The following DNAH2 variants were observed in gnomAD, a reference collection of about 807,000 sequenced individuals.
DNAH2 encodes the protein axonemal beta dynein heavy chain 2.
A neutral mutation model predicts 523.5 loss-of-function variants in DNAH2; 323 were observed. The ratio of observed to expected loss-of-function variants is 0.62; its 90% CI spans 0.56 to 0.68. The LOEUF (loss-of-function observed/expected upper bound fraction) is 0.68. DNAH2 is among the 30% of genes least tolerant of loss of function. DNAH2 has a pLI of 0.00. For synonymous variants in DNAH2, 2,093 were observed against 2,177.4 expected, an observed-to-expected ratio of 0.96 and a Z score of 1.08; for missense variants, 4,907 against 5,701.5, an observed-to-expected ratio of 0.86 and a Z score of 4.49.
intron 67 of DNAH2, 31 bp downstream of exon 67, chr17:7,817,887 C>A (rs376720726): frequency 2.2e-5 from 35 of 1,613,918 alleles, no homozygotes; most frequent in Admixed American, 6.7e-5. Context: ...GTTAGCCCCC[C>A]CCTTCCTGAG....
chr17:7,787,136 C>A, intron 42 of DNAH2, 103 bp downstream of exon 42: 2 of 1,445,844 alleles, frequency 1.4e-6, no homozygotes, highest in South Asian at 1.3e-5. Context: ...AGGGCAGGTT[C>A]TGTGGGAGAG....
At chr17:7,826,535 CTT>C (rs35943055) in intron 77 of DNAH2, among the ~76,000 whole-genome samples, 3 of 111,240 alleles carry the variant, frequency 2.7e-5, no homozygotes. Context: ...TGCCCATCAT[CTT>C]TTTTTTTTTT....
At chr17:7,729,492 G>A (rs953719450) in intron 4 of DNAH2, among the ~76,000 whole-genome samples, 16 of 152,086 alleles carry the variant, frequency 1.1e-4, no homozygotes, top group Admixed American at 8.5e-4. Context: ...GTGCAATGGC[G>A]CAATCTCGGC....
At chr17:7,790,517 A>C (rs538138356) in intron 44 of DNAH2, among the ~76,000 whole-genome samples, 30 of 151,906 alleles carry the variant, frequency 2.0e-4, no homozygotes, top group Admixed American at 4.6e-4. Context: ...CCACCACACC[A>C]GGCCACATTT....
In DNAH2 at chr17:7,787,886, C is replaced by T. The variant is rs753840225; in HGVS notation, c.6630C>T (p.Asp2210=). ...EQVSLLFEVE[D]LAMASPATVS... Reference sequence around the variant, plus strand: ...TGTCTCTCCTGTTTGAAGTGGAGGACCTGGCAATGGCCTCTCCGGCCACTG... The same window carrying T: ...TGTCTCTCCTGTTTGAAGTGGAGGATCTGGCAATGGCCTCTCCGGCCACTG... Residue 2210 remains aspartate, a synonymous_variant, in exon 43 of 86, where the codon GAC becomes GAT. Coordinates refer to ENST00000572933, the MANE Select transcript of DNAH2 (RefSeq NM_020877.5). The T allele has an allele frequency of 4.3e-6, 7 of 1,613,850 alleles. No homozygotes were observed. The East Asian group carries it at 1.3e-4, about 31-fold the overall frequency.
chr17:7,771,925 C>T (rs2076328771), intron 28 of DNAH2, among the ~76,000 whole-genome samples: 1 of 152,044 alleles, frequency 6.6e-6, no homozygotes, highest in African/African-American at 2.4e-5. Context: ...CCAAGTTGGC[C>T]AGGCTGCCTT....
chr17:7,799,341 C>A, intron 56 of DNAH2, 99 bp downstream of exon 56: 1 of 1,502,316 alleles, frequency 6.7e-7, no homozygotes, highest in Non-Finnish European at 9.0e-7. Flanking sequence ...GGAATAACAG[C>A]AGGCTCCTCT....
chr17:7,759,204 G>A (rs1303332074), intron 15 of DNAH2, 80 bp downstream of exon 15: 22 of 1,576,354 alleles, frequency 1.4e-5, no homozygotes, highest in African/African-American at 8.1e-5. Flanking sequence ...CTTGCTCCCC[G>A]ACCCTTTTTT....
intron 42 of DNAH2, 138 bp downstream of exon 42, chr17:7,787,171 C>T (rs2076763334): frequency 2.7e-6 from 3 of 1,095,304 alleles, no homozygotes; most frequent in Non-Finnish European, 3.8e-6. Context: ...TGCCTGGATT[C>T]AGGGAAACCT....
At position 7,805,260 on chromosome 17, in the gene DNAH2, GTC is replaced by G; in HGVS notation, c.9313_9314del (p.Leu3105GlufsTer55). 2 of 1,614,224 alleles carry G rather than the reference GTC, an allele frequency of 1.2e-6. No individual in the cohort carries two copies. The highest frequency in any genetic ancestry group is 1.7e-6 in the Non-Finnish European group (2 of 1,180,042). ...ALEEAMRALE[S>X]LNKKDIGEIK... The stretch of plus-strand genomic sequence containing the variant: ...ATCCCCTTTTCCCCCAGGCCCTGGA[GTC>G]TCTGAACAAGAAGGATATAGGAGAG... On this transcript the variant is annotated frameshift_variant, in exon 61 of 86. Coordinates refer to ENST00000572933, the MANE Select transcript of DNAH2 (RefSeq NM_020877.5). LOFTEE classifies it high-confidence loss of function.
intron 73 of DNAH2, 108 bp from the exon 74 acceptor site, chr17:7,823,334 A>C (rs2077915073): frequency 1.9e-6 from 2 of 1,037,242 alleles, no homozygotes; most frequent in African/African-American, 1.8e-5. Flanking sequence ...TCCCACCGAG[A>C]GAGAGAAAAA....
chr17:7,776,232 G>A (rs1402943567), intron 31 of DNAH2, 83 bp downstream of exon 31: 48 of 1,487,832 alleles, frequency 3.2e-5, no homozygotes, highest in Middle Eastern at 2.4e-4. Flanking sequence ...TTGGGAGGCC[G>A]AGGTGGGCAG....
intron 4 of DNAH2, among the ~76,000 whole-genome samples, chr17:7,730,828 G>T (rs1227190262): frequency 1.3e-5 from 2 of 151,516 alleles, no homozygotes; most frequent in African/African-American, 2.4e-5. Context: ...AATTTAAAAA[G>T]CATGAGCTGG....
At chr17:7,753,685 C>T (rs993255881) in intron 12 of DNAH2, among the ~76,000 whole-genome samples, 5 of 152,250 alleles carry the variant, frequency 3.3e-5, no homozygotes, top group Middle Eastern at 3.4e-3. Flanking sequence ...CTGTGGCTCA[C>T]GCCTGTAACC....
At position 7,824,590 on chromosome 17, in the gene DNAH2, C is replaced by T. The variant is rs780579030; in HGVS notation, c.11716C>T (p.Leu3906=). 1 of 1,600,592 alleles carries T rather than the reference C, an allele frequency of 6.2e-7. No individual in the cohort carries two copies. The highest frequency in any genetic ancestry group is 8.5e-7 in the Non-Finnish European group (1 of 1,170,388). The change falls in exon 77 of 86, where the codon CTG becomes TTG. Residue 3906 remains leucine, a synonymous_variant. Coordinates refer to ENST00000572933, the MANE Select transcript of DNAH2 (RefSeq NM_020877.5). The part of the protein sequence containing the change: ...CHLSLSWMPN[L]DKLVEQLQVE... ...CCTGTCACTGTCTTGGATGCCTAAT[C>T]TGGACAAGCTGGTGGAGCAGCTGCA...
In DNAH2 at chr17:7,831,143, G is replaced by A; in HGVS notation, c.12288G>A (p.Lys4096=). 6.2e-7 allele frequency: 1 copy of A among 1,614,120 alleles called. No homozygotes were observed. ...AGGATGGCAGCCTCGCTTCTTACAA[G>A]GAATACATCAGCTTATTGCCTGGCA... The part of the protein sequence containing the change: ...IPKDGSLASY[K]EYISLLPGMD... Residue 4096 remains lysine, a synonymous_variant, in exon 80 of 86, where the codon AAG becomes AAA. Coordinates refer to ENST00000572933, the MANE Select transcript of DNAH2 (RefSeq NM_020877.5). This position sits in a 1 kb window ranked among gnomAD's most constrained non-coding sequence, Gnocchi z 4.2.
Position 7,758,987 on chromosome 17 carries a change from G to A in DNAH2, c.2311G>A (p.Val771Ile), listed in dbSNP as rs770575660. The change falls in exon 15 of 86, where the codon GTA becomes ATA. Residue 771 changes from valine (V) to isoleucine (I), a missense_variant. Val to Ile is a conservative substitution (Grantham distance 29, BLOSUM62 3). Transcript: ENST00000572933. ...GCTGGTACGCATTAGTGGCAAACGGGTATACAGGGACCTGGAATTTGAAGA... is the reference window on the plus strand; with the variant it reads ...GCTGGTACGCATTAGTGGCAAACGGATATACAGGGACCTGGAATTTGAAGA... ...KLLVRISGKRVYRDLEFEEDQ... is the reference protein window; with the variant it reads ...KLLVRISGKRIYRDLEFEEDQ... The A allele has an allele frequency of 3.1e-6, 5 of 1,614,198 alleles. No homozygotes were observed. The East Asian group carries it at 6.7e-5, about 22-fold the overall frequency.
At position 7,766,463 on chromosome 17, in the gene DNAH2, C is replaced by T; in HGVS notation, c.3657C>T (p.Asp1219=). The part of the protein sequence containing the change: ...IFKIEQPPSK[D]LQNLEKELDA... ...AGATCGAGCAGCCACCCTCCAAGGA[C>T]CTTCAGAACCTGGAGAAGGTGGTGT... The change falls in exon 22 of 86, where the codon GAC becomes GAT. Residue 1219 remains aspartate (D), a synonymous_variant. Coordinates refer to ENST00000572933, the MANE Select transcript of DNAH2 (RefSeq NM_020877.5). The T allele has an allele frequency of 1.2e-6, 2 of 1,613,790 alleles. No homozygotes were observed. The highest frequency in any genetic ancestry group is 1.7e-6 in the Non-Finnish European group (2 of 1,179,896).
In DNAH2 at chr17:7,787,964, C is replaced by G; in HGVS notation, c.6708C>G (p.Pro2236=). The G allele has an allele frequency of 1.2e-6, 2 of 1,614,172 alleles. No homozygotes were observed. The highest frequency in any genetic ancestry group is 1.7e-6 in the Non-Finnish European group (2 of 1,180,020). The change falls in exon 43 of 86, where the codon CCC becomes CCG. Residue 2236 remains proline (P), a synonymous_variant. Transcript: ENST00000572933. ...YTDYADLGWK[P]YVQSWLEKRP... is the part of the protein sequence containing the mutation. ...ACTACGCTGACCTGGGCTGGAAGCC[C>G]TATGTTCAGTCATGGCTGGAGAAGA... is the stretch of plus-strand genomic sequence containing the variant.
Sources: allele counts gnomAD v4.1 joint callset (sites outside exome capture counted in the v4.1 genomes callset), GRCh38; gene constraint gnomAD v4.1.1; non-coding constraint Gnocchi (gnomAD v3.1); transcripts MANE v1.5; gene names NCBI Gene and HGNC (gene_info 2026-07-23, HGNC 2026-07-21).